Variants in SLCO1A2 observed in about 807,000 individuals in gnomAD.
SLCO1A2 encodes solute carrier organic anion transporter family member 1A2.
A neutral mutation model predicts 69.0 loss-of-function variants in SLCO1A2; 67 were observed. The observed-to-expected ratio is 0.97, with a 90% confidence interval of 0.80 to 1.19. SLCO1A2 has a LOEUF of 1.19. SLCO1A2 is among the 50% of genes most tolerant of loss of function. SLCO1A2 has a pLI of 0.00. For missense variants in SLCO1A2, 787 were observed against 793.7 expected, an observed-to-expected ratio of 0.99 and a Z score of 0.10; for synonymous variants, 260 against 265.9, an observed-to-expected ratio of 0.98 and a Z score of 0.22.
At chr12:21,418,403 T>C (rs149917978), upstream of SLCO1A2, among the ~76,000 whole-genome samples, 62 of 152,280 alleles carry the variant, frequency 4.1e-4, 1 homozygote, top group African/African-American at 1.3e-3. Context: ...ACAGTCATTG[T>C]ATTAGTTCAT....
At chr12:21,381,575 A>T (rs1940589995) in intron 1 of SLCO1A2, among the ~76,000 whole-genome samples, 2 of 152,184 alleles carry the variant, frequency 1.3e-5, no homozygotes, top group Non-Finnish European at 2.9e-5. Flanking sequence ...AGGCAGGCAG[A>T]TCATGAGGTC....
chr12:21,397,391 C>A (rs1941509210), upstream of SLCO1A2, among the ~76,000 whole-genome samples: 1 of 152,132 alleles, frequency 6.6e-6, no homozygotes. Context: ...GAGTGACCTA[C>A]AAAGAGATTT....
At chr12:21,361,752 A>C (rs775386470) in intron 2 of SLCO1A2, among the ~76,000 whole-genome samples, 26 of 152,218 alleles carry the variant, frequency 1.7e-4, no homozygotes, top group Non-Finnish European at 1.9e-4. Flanking sequence ...ACGCATGTAC[A>C]AGCTTCAGTA....
chr12:21,378,148 T>G, intron 1 of SLCO1A2: 5 of 1,210,054 alleles, frequency 4.1e-6, no homozygotes, highest in Non-Finnish European at 6.0e-6. Flanking sequence ...TTCTTTGGTT[T>G]TCATCAATAC....
chr12:21,301,549 C>G (rs1030939637), intron 6 of SLCO1A2, among the ~76,000 whole-genome samples: 2 of 152,142 alleles, frequency 1.3e-5, no homozygotes, highest in African/African-American at 4.8e-5. Context: ...CAGGCAGTCC[C>G]AGCTGGGATC....
At chr12:21,365,569 C>G (rs1462664187) in intron 2 of SLCO1A2, among the ~76,000 whole-genome samples, 2 of 152,154 alleles carry the variant, frequency 1.3e-5, no homozygotes, top group African/African-American at 4.8e-5. Context: ...AACTAAAGAG[C>G]TTCTGCACAT....
At position 21,306,930 on chromosome 12, in the gene SLCO1A2, A is replaced by C; in HGVS notation, c.394T>G (p.Cys132Gly). ...AAAATCTGGGTTCCATTTTCCATAC[A>C]CAAGAAACTGTTTGAGGACAAGTTG... The part of the protein sequence containing the change: ...SGNLSSNSFL[C>G]MENGTQILRP... The change falls in exon 5 of 15, where the codon TGT becomes GGT. Residue 132 changes from cysteine (C) to glycine (G), a missense_variant. By Grantham distance (159) the Cys-to-Gly change is radical. Coordinates refer to ENST00000683939, the MANE Select transcript of SLCO1A2 (RefSeq NM_001386879.1). 6.2e-7 allele frequency: 1 copy of C among 1,613,944 alleles called. No individual in the cohort carries two copies. Among genetic ancestry groups the C allele is most frequent in the Non-Finnish European group, 8.5e-7 (1 of 1,179,890 alleles).
intron 14 of SLCO1A2, chr12:21,274,147 G>A (rs1943377507): frequency 5.7e-6 from 1 of 174,250 alleles, no homozygotes; most frequent in Non-Finnish European, 1.2e-5. Flanking sequence ...AGCCTTTAGA[G>A]AGCAATATAA....
chr12:21,335,889 G>A (rs1455687494), upstream of SLCO1A2, among the ~76,000 whole-genome samples: 2 of 152,256 alleles, frequency 1.3e-5, no homozygotes, highest in African/African-American at 2.4e-5. Flanking sequence ...AGCCAAGTAC[G>A]TGCCTACAGA....
intron 2 of SLCO1A2, among the ~76,000 whole-genome samples, chr12:21,319,801 C>T (rs1255932614): frequency 6.6e-6 from 1 of 152,068 alleles, no homozygotes; most frequent in Non-Finnish European, 1.5e-5. Context: ...ATAACAACAT[C>T]AGGGATGAGT....
chr12:21,334,260 G>A (rs1418531672), intron 2 of SLCO1A2, among the ~76,000 whole-genome samples: 2 of 152,024 alleles, frequency 1.3e-5, no homozygotes, highest in Non-Finnish European at 2.9e-5. Flanking sequence ...ACATTTCTCT[G>A]GGTTAGAAAC....
chr12:21,297,274 T>G (rs1947875417), intron 9 of SLCO1A2, 130 bp downstream of exon 9: 1 of 463,950 alleles, frequency 2.2e-6, no homozygotes, highest in African/African-American at 2.0e-5. Context: ...TTTCTTGAGA[T>G]TAGAAGGAAG....
intron 4 of SLCO1A2, among the ~76,000 whole-genome samples, chr12:21,308,409 G>C (rs1305372378): frequency 6.6e-6 from 1 of 152,136 alleles, no homozygotes; most frequent in African/African-American, 2.4e-5. Context: ...CAAAGCCCAG[G>C]AACATTCAGG....
intron 6 of SLCO1A2, among the ~76,000 whole-genome samples, chr12:21,301,996 C>G (rs1241475528): frequency 6.6e-6 from 1 of 152,198 alleles, no homozygotes; most frequent in Non-Finnish European, 1.5e-5. Flanking sequence ...TCTCTGCCTT[C>G]TCCATGGTTC....
intron 1 of SLCO1A2, among the ~76,000 whole-genome samples, chr12:21,416,344 A>G: frequency 7.4e-6 from 1 of 135,334 alleles, no homozygotes; most frequent in East Asian, 2.3e-4. Context: ...AAGATTCACT[A>G]TAGAATCTCG....
intron 1 of SLCO1A2, chr12:21,376,308 A>G (rs1290752982): frequency 8.5e-6 from 3 of 351,866 alleles, no homozygotes; most frequent in South Asian, 2.1e-5. Context: ...ATTTTCCTTT[A>G]TTACTTTTTT....
chr12:21,308,263 A>T (rs1949670564), intron 4 of SLCO1A2, among the ~76,000 whole-genome samples: 1 of 152,196 alleles, frequency 6.6e-6, no homozygotes, highest in Non-Finnish European at 1.5e-5. Context: ...TTCCACAAGG[A>T]TAAAAAAAAT....
chr12:21,338,248 T>TCA (rs1952953438), upstream of SLCO1A2, among the ~76,000 whole-genome samples: 1 of 151,912 alleles, frequency 6.6e-6, no homozygotes, highest in Non-Finnish European at 1.5e-5. Context: ...GCTCTAGGCC[T>TCA]CAGTCTTGGT....
At chr12:21,293,572 T>G (rs1304518539) in intron 11 of SLCO1A2, among the ~76,000 whole-genome samples, 2 of 150,650 alleles carry the variant, frequency 1.3e-5, no homozygotes, top group Non-Finnish European at 2.9e-5. Flanking sequence ...GAAAAATATA[T>G]ATATATGTGT....
Sources: allele counts gnomAD v4.1 joint callset (sites outside exome capture counted in the v4.1 genomes callset), GRCh38; gene constraint gnomAD v4.1.1; transcripts MANE v1.5; gene names NCBI Gene and HGNC (gene_info 2026-07-23, HGNC 2026-07-21).